The following CLUL1 variants were observed in gnomAD, a reference collection of about 807,000 sequenced individuals.
CLUL1 encodes the protein clusterin-like protein 1.
A neutral mutation model predicts 49.4 loss-of-function variants in CLUL1; 43 were observed. That is an observed-to-expected ratio of 0.87 (90% CI 0.68 to 1.12). The LOEUF is 1.12. Ranked by LOEUF, CLUL1 falls within the 50% of genes most tolerant of loss-of-function variation. CLUL1 has a pLI of 0.00. For synonymous variants in CLUL1, 192 were observed against 184.9 expected, an observed-to-expected ratio of 1.04 and a Z score of -0.31; for missense variants, 486 against 544.4, an observed-to-expected ratio of 0.89 and a Z score of 1.07.
chr18:636,983 T>A (rs530627950), intron 7 of CLUL1, among the ~76,000 whole-genome samples: 1 of 150,554 alleles, frequency 6.6e-6, no homozygotes, highest in East Asian at 2.0e-4. Context: ...TGTTTTGTTT[T>A]GTTTTTGTTT....
intron 6 of CLUL1, among the ~76,000 whole-genome samples, chr18:629,395 C>A (rs2073919308): frequency 1.3e-5 from 2 of 152,306 alleles, no homozygotes; most frequent in African/African-American, 4.8e-5. Flanking sequence ...AGGGCTCCTC[C>A]CCTCCATGTT....
intron 7 of CLUL1, among the ~76,000 whole-genome samples, chr18:638,835 G>A (rs1416644455): frequency 1.3e-5 from 2 of 151,332 alleles, no homozygotes; most frequent in African/African-American, 4.9e-5. Context: ...TCCAGCCTAG[G>A]TGACAGAGCG....
intron 4 of CLUL1, among the ~76,000 whole-genome samples, chr18:619,669 G>GTT (rs34422313): frequency 4.7e-5 from 7 of 148,826 alleles, no homozygotes; most frequent in Non-Finnish European, 7.5e-5. Context: ...TATTTGAAGA[G>GTT]TTTTTTTTTT....
At chr18:628,639 C>CTTTTTTTTTTTTT (rs577855173) in intron 6 of CLUL1, among the ~76,000 whole-genome samples, 2 of 137,586 alleles carry the variant, frequency 1.5e-5, no homozygotes, top group Non-Finnish European at 3.2e-5. Flanking sequence ...TTTCTTTTTT[C>CTTTTTTTTTTTTT]TTTTTTTTTT....
At chr18:626,709 A>C (rs538216496) in intron 5 of CLUL1, among the ~76,000 whole-genome samples, 7 of 150,414 alleles carry the variant, frequency 4.7e-5, no homozygotes, top group African/African-American at 1.7e-4. Flanking sequence ...AATACAAAAA[A>C]AATTAGCCAG....
At chr18:649,820 C>A in intron 9 of CLUL1, 78 bp from the exon 10 acceptor site, 1 of 991,404 alleles carries the variant, frequency 1.0e-6, no homozygotes, top group Non-Finnish European at 1.6e-6. Flanking sequence ...TGGACTTTTA[C>A]TCCAAGAAAA....
In CLUL1 at chr18:647,155, G is replaced by A. The variant is rs80227634; in HGVS notation, c.1397+2058G>A. Among the ~76,000 whole-genome samples, 134 of 150,924 alleles carry A rather than the reference G, an allele frequency of 8.9e-4. 1 individual carries two copies. The East Asian group carries it at 0.024, about 27-fold the overall frequency. On this transcript the variant is annotated intron_variant, in intron 9 of 9. Coordinates refer to ENST00000692774, the MANE Select transcript of CLUL1 (RefSeq NM_001393344.1). ...GGTTGGAGAGGAGACTGTTCCAAAA[G>A]GGGGGATGGCATGGGCAAATACGGC... is the stretch of plus-strand genomic sequence containing the variant.
At chr18:610,735 C>T (rs565741922) in intron 2 of CLUL1, among the ~76,000 whole-genome samples, 6 of 152,080 alleles carry the variant, frequency 3.9e-5, no homozygotes, top group East Asian at 3.9e-4. Context: ...CAGCAAATAC[C>T]GTAACAGAGA....
At chr18:644,114 A>G (rs1366502196) in intron 8 of CLUL1, among the ~76,000 whole-genome samples, 1 of 152,252 alleles carries the variant, frequency 6.6e-6, no homozygotes, top group African/African-American at 2.4e-5. Flanking sequence ...CCCTGGTTGT[A>G]TAATAGTTAC....
chr18:608,329 T>C (rs1317532667), intron 2 of CLUL1, among the ~76,000 whole-genome samples: 2 of 152,218 alleles, frequency 1.3e-5, no homozygotes, highest in African/African-American at 4.8e-5. Flanking sequence ...AGAATAATTA[T>C]GTTTTATTCC....
At chr18:608,160 G>A (rs1430068384) in intron 2 of CLUL1, among the ~76,000 whole-genome samples, 3 of 152,114 alleles carry the variant, frequency 2.0e-5, no homozygotes, top group African/African-American at 2.4e-5. Context: ...GTCTTGCTCT[G>A]TGCCTTTGGG....
intron 1 of CLUL1, among the ~76,000 whole-genome samples, chr18:601,055 G>A (rs141765260): frequency 1.6e-4 from 25 of 152,184 alleles, no homozygotes; most frequent in African/African-American, 5.3e-4. Flanking sequence ...GGATTACTTC[G>A]TGCCTCAAAA....
intron 9 of CLUL1, among the ~76,000 whole-genome samples, chr18:647,020 G>A (rs1221450021): frequency 2.0e-5 from 3 of 151,672 alleles, no homozygotes; most frequent in Non-Finnish European, 4.4e-5. Context: ...CAAAGTGCTG[G>A]GATCACAGGC....
chr18:648,817 T>G (rs2074592043), intron 9 of CLUL1, among the ~76,000 whole-genome samples: 1 of 151,936 alleles, frequency 6.6e-6, no homozygotes, highest in Non-Finnish European at 1.5e-5. Context: ...CCACCACACT[T>G]GGCTAATTTT....
intron 6 of CLUL1, among the ~76,000 whole-genome samples, chr18:629,554 C>T (rs1256418502): frequency 6.6e-6 from 1 of 152,162 alleles, no homozygotes; most frequent in African/African-American, 2.4e-5. Flanking sequence ...CACTGTCTGC[C>T]ACCATTGCCT....
intron 7 of CLUL1, among the ~76,000 whole-genome samples, chr18:633,760 G>A (rs1598436042): frequency 6.6e-6 from 1 of 151,020 alleles, no homozygotes; most frequent in Non-Finnish European, 1.5e-5. Flanking sequence ...CGAGGTGAGT[G>A]GTCTGGAGGG....
chr18:611,619 G>C (rs572017004), intron 2 of CLUL1, among the ~76,000 whole-genome samples: 10 of 152,098 alleles, frequency 6.6e-5, no homozygotes, highest in South Asian at 2.1e-4. Flanking sequence ...TTAAGGGAAA[G>C]GTAACCACAT....
intron 1 of CLUL1, among the ~76,000 whole-genome samples, chr18:605,000 A>C (rs2072933322): frequency 6.6e-6 from 1 of 152,232 alleles, no homozygotes; most frequent in South Asian, 2.1e-4. Flanking sequence ...TATCTGCACA[A>C]AACATGGGTT....
intron 1 of CLUL1, among the ~76,000 whole-genome samples, chr18:599,251 A>T (rs1195936203): frequency 1.3e-5 from 2 of 152,224 alleles, no homozygotes; most frequent in Non-Finnish European, 2.9e-5. Context: ...TTGTGGAAAG[A>T]ACAGAGACCT....
Sources: allele counts gnomAD v4.1 joint callset (sites outside exome capture counted in the v4.1 genomes callset), GRCh38; gene constraint gnomAD v4.1.1; transcripts MANE v1.5; gene names NCBI Gene and HGNC (gene_info 2026-07-23, HGNC 2026-07-21).